The following ZNF589 variants were observed in gnomAD, a reference collection of about 807,000 sequenced individuals.
ZNF589 encodes KRAB-zinc finger protein SZF1-1.
In ZNF589, 17 loss-of-function variants were observed where a neutral mutation model predicts 13.6. The ratio of observed to expected loss-of-function variants is 1.25; its 90% CI spans 0.86 to 1.88. The LOEUF is 1.88. Among genes scored for constraint, ZNF589 ranks in the 40% most tolerant of loss-of-function variants. The pLI is 0.00. For synonymous variants in ZNF589, 148 were observed against 161.6 expected (o/e 0.92, Z 0.64); for missense variants, 407 against 434.0 (o/e 0.94, Z 0.55).
intron 3 of ZNF589, 95 bp from the exon 4 acceptor site, chr3:48,267,820 C>T: frequency 7.7e-7 from 1 of 1,295,086 alleles, no homozygotes. Flanking sequence ...AGACTTTAAT[C>T]ATTGAGAATG....
chr3:48,255,594 A>G (rs1290613391), intron 2 of ZNF589, among the ~76,000 whole-genome samples: 1 of 150,296 alleles, frequency 6.7e-6, no homozygotes, highest in African/African-American at 2.5e-5. Flanking sequence ...CCCGGGTTCA[A>G]GTGATTCTCC....
chr3:48,270,439 C>T lies in ZNF589; in HGVS notation c.*1653C>T, dbSNP rs2034077800. Reference sequence around the variant, plus strand: ...CTCTTAAATCCTCCAATCTCAGTACCCAGTGTTTTAGCCATGCTCGGGTGG... The same window carrying T: ...CTCTTAAATCCTCCAATCTCAGTACTCAGTGTTTTAGCCATGCTCGGGTGG... On this transcript the variant is annotated 3_prime_UTR_variant, in exon 4 of 4. Coordinates refer to ENST00000354698, the MANE Select transcript of ZNF589 (RefSeq NM_016089.3). 1 of 359,684 alleles carries T rather than the reference C, an allele frequency of 2.8e-6. No individual in the cohort carries two copies. The highest frequency in any genetic ancestry group is 5.4e-6 in the Non-Finnish European group (1 of 184,162). 22.3% of individuals were successfully genotyped at this position (359,684 alleles called of 1,614,324 possible).
Position 48,242,327 on chromosome 3 carries a change from G to A in ZNF589, c.43+1113G>A, listed in dbSNP as rs140286077. Among the ~76,000 whole-genome samples the A allele has an allele frequency of 2.5e-3, 373 of 152,056 alleles. 2 individuals carry two copies. Among genetic ancestry groups the A allele is most frequent in the African/African-American group, 8.5e-3 (351 of 41,464 alleles). On this transcript the variant is annotated intron_variant, in intron 1 of 3. Transcript: ENST00000354698. ...GGGTTTCATCATGTTGGCCAGGCCG[G>A]TCTTGAACTCCTGACCCCAGATGAT...
chr3:48,245,165 T>C (rs1171855250), intron 1 of ZNF589, among the ~76,000 whole-genome samples: 1 of 151,948 alleles, frequency 6.6e-6, no homozygotes, highest in African/African-American at 2.4e-5. Flanking sequence ...GAGGCTGGAG[T>C]ATAATGGTGT....
In ZNF589 at chr3:48,269,957, T is replaced by G; in HGVS notation, c.*1171T>G. ...CCACCCCACTCTTGTTCTAAGAGCT[T>G]TGGGGACAGTCTTTTGACCCCTTAC... On this transcript the variant is annotated 3_prime_UTR_variant, in exon 4 of 4. Coordinates refer to ENST00000354698, the MANE Select transcript of ZNF589 (RefSeq NM_016089.3). 1 of 446,098 alleles carries G rather than the reference T, an allele frequency of 2.2e-6. No homozygotes were observed. The highest frequency in any genetic ancestry group is 4.5e-6 in the Non-Finnish European group (1 of 220,872). The allele number at this position is 446,098 out of a possible 1,614,324, so 27.6% of individuals were successfully genotyped here. A position where few individuals can be genotyped will look rare whatever the true frequency, so the allele number is the denominator to read the frequency against.
intron 2 of ZNF589, among the ~76,000 whole-genome samples, chr3:48,259,690 C>T (rs2033947101): frequency 6.6e-6 from 1 of 152,082 alleles, no homozygotes; most frequent in African/African-American, 2.4e-5. Context: ...GCCGGCAGAT[C>T]ACTTGAGGTC....
Position 48,268,570 on chromosome 3 carries a change from C to G in ZNF589, c.879C>G (p.Asn293Lys). 1 of 1,610,932 alleles carries G rather than the reference C, an allele frequency of 6.2e-7. No individual in the cohort carries two copies. The highest frequency in any genetic ancestry group is 8.5e-7 in the Non-Finnish European group (1 of 1,179,076). ...RGFIVESVLR[N>K]HLSTHSGEKP... ...TTATAGTTGAGTCAGTCCTCCGCAA[C>G]CACCTGAGTACACACTCCGGGGAGA... Residue 293 changes from asparagine (N) to lysine (K), a missense_variant, in exon 4 of 4, where the codon AAC (asparagine) becomes AAG (lysine). Asn to Lys is a moderately conservative substitution (Grantham distance 94). Transcript: ENST00000354698.
chr3:48,250,039 A>T (rs2033820060), intron 2 of ZNF589, among the ~76,000 whole-genome samples: 1 of 151,898 alleles, frequency 6.6e-6, no homozygotes, highest in South Asian at 2.1e-4. Flanking sequence ...GAGGCAGGAG[A>T]ATTACTTGAG....
At chr3:48,252,357 A>C (rs775449075) in intron 2 of ZNF589, among the ~76,000 whole-genome samples, 1 of 151,740 alleles carries the variant, frequency 6.6e-6, no homozygotes, top group Middle Eastern at 3.4e-3. Flanking sequence ...ATGCACGGCT[A>C]ATTTTTTGTA....
intron 2 of ZNF589, among the ~76,000 whole-genome samples, chr3:48,253,956 T>G (rs2106838242): frequency 6.6e-6 from 1 of 152,228 alleles, no homozygotes; most frequent in East Asian, 1.9e-4. Context: ...CTGGGATTGG[T>G]GGCATGTACC....
At chr3:48,247,712 C>T (rs1240141349) in intron 2 of ZNF589, 35 bp downstream of exon 2, 3 of 1,606,378 alleles carry the variant, frequency 1.9e-6, no homozygotes, top group Non-Finnish European at 2.6e-6. Context: ...TTCTGAAATG[C>T]TGGCTCATTT....
In ZNF589 at chr3:48,268,454, C is replaced by G. The variant is rs202092368; in HGVS notation, c.763C>G (p.Arg255Gly). Residue 255 changes from arginine (R) to glycine (G), a missense_variant, in exon 4 of 4, where the codon CGA becomes GGA. Arg to Gly is a moderately radical substitution (Grantham distance 125). Transcript: ENST00000354698. ...RQSQVCRECGRGFSRKSQLII... is the reference protein window; with the variant it reads ...RQSQVCRECGGGFSRKSQLII... ...GTCACAGGTGTGCAGGGAGTGTGGG[C>G]GAGGCTTTAGCAGGAAGTCACAGCT... The G allele has an allele frequency of 1.2e-6, 2 of 1,614,088 alleles. No homozygotes were observed. Among genetic ancestry groups the G allele is most frequent in the Admixed American group, 3.3e-5 (2 of 60,006 alleles).
At chr3:48,246,024 C>T (rs770028962) in intron 1 of ZNF589, among the ~76,000 whole-genome samples, 4 of 151,760 alleles carry the variant, frequency 2.6e-5, no homozygotes, top group Non-Finnish European at 4.4e-5. Flanking sequence ...TTTAAAATTC[C>T]ACAATAGGCC....
rs1559984232 is a variant in ZNF589 at position 48,268,833 on chromosome 3, TAC to T, written c.*49_*50del. The T allele has an allele frequency of 6.6e-7, 1 of 1,504,462 alleles. No homozygotes were observed. Among genetic ancestry groups the T allele is most frequent in the Non-Finnish European group, 8.9e-7 (1 of 1,124,784 alleles). 93.2% of individuals were successfully genotyped at this position (1,504,462 alleles called of 1,614,324 possible). On this transcript the variant is annotated 3_prime_UTR_variant, in exon 4 of 4. Coordinates refer to ENST00000354698, the MANE Select transcript of ZNF589 (RefSeq NM_016089.3). ...TCATGTCTCAACACACACCAGAGGA[TAC>T]ATTCAGATGAGAAGCCTTTTGTTTG...
intron 2 of ZNF589, among the ~76,000 whole-genome samples, chr3:48,253,498 C>CTT (rs59231973): frequency 3.1e-5 from 3 of 95,322 alleles, no homozygotes; most frequent in African/African-American, 1.2e-4. Flanking sequence ...TCATATTTTT[C>CTT]TTTTTTTTTT....
intron 1 of ZNF589, among the ~76,000 whole-genome samples, chr3:48,246,528 T>A (rs1178622187): frequency 1.3e-5 from 2 of 152,230 alleles, no homozygotes; most frequent in African/African-American, 4.8e-5. Context: ...CAGGCTGGTC[T>A]TGAAGCCGTG....
chr3:48,257,302 C>G (rs150321493), intron 2 of ZNF589, among the ~76,000 whole-genome samples: 1,996 of 152,050 alleles, frequency 0.013, 20 homozygotes, highest in South Asian at 0.021. Context: ...CTCTGTCTCC[C>G]AGGCTGGAGT....
At chr3:48,249,989 G>T (rs934176272) in intron 2 of ZNF589, among the ~76,000 whole-genome samples, 1 of 152,126 alleles carries the variant, frequency 6.6e-6, no homozygotes, top group Non-Finnish European at 1.5e-5. Context: ...TTAGCTGTGT[G>T]TGGTGGCGGG....
intron 1 of ZNF589, among the ~76,000 whole-genome samples, chr3:48,245,821 C>T (rs534400358): frequency 1.1e-4 from 17 of 151,968 alleles, no homozygotes; most frequent in African/African-American, 4.1e-4. Flanking sequence ...GTGGCAGGTG[C>T]CTGTAATCCC....
Sources: allele counts gnomAD v4.1 joint callset (sites outside exome capture counted in the v4.1 genomes callset), GRCh38; gene constraint gnomAD v4.1.1; transcripts MANE v1.5; gene names NCBI Gene and HGNC (gene_info 2026-07-23, HGNC 2026-07-21).